TEAD1: variants seen among roughly 807,000 people sequenced by gnomAD.
The protein encoded by TEAD1 is transcriptional enhancer factor TEF-1.
A neutral mutation model predicts 54.9 loss-of-function variants in TEAD1; 9 were observed. The ratio of observed to expected loss-of-function variants is 0.16; its 90% CI spans 0.10 to 0.29. TEAD1 has a LOEUF of 0.29. Ranked by LOEUF, TEAD1 falls within the 10% of genes least tolerant of loss-of-function variation. The pLI is 1.00. For synonymous variants in TEAD1, 200 were observed against 187.8 expected (o/e 1.07, Z -0.53); for missense variants, 387 against 535.9 (o/e 0.72, Z 2.74).
chr11:12,741,814 A>G (rs1027335263), intron 2 of TEAD1, among the ~76,000 whole-genome samples: 14 of 152,208 alleles, frequency 9.2e-5, no homozygotes, highest in Non-Finnish European at 8.8e-5. Flanking sequence ...AAAGAAGCAC[A>G]AGCTTTTGCC....
intron 2 of TEAD1, among the ~76,000 whole-genome samples, chr11:12,678,615 CTTG>C (rs767242034): frequency 1.4e-4 from 21 of 152,172 alleles, no homozygotes; most frequent in Non-Finnish European, 2.5e-4. Context: ...TTATTTAGAC[CTTG>C]TTGTATTGCA....
In TEAD1 at chr11:12,751,471, TCAG is replaced by T. The variant is rs1194176268; in HGVS notation, c.-54-12707_-54-12705del. Among the ~76,000 whole-genome samples, 446 of 152,200 alleles carry T rather than the reference TCAG, an allele frequency of 2.9e-3. 3 individuals carry two copies. Among genetic ancestry groups the T allele is most frequent in the African/African-American group, 0.01 (422 of 41,528 alleles). ...CACAGAGGAGTGGGGAAAGGCCAGG[TCAG>T]GCTTCCCAGTGGAGGGGCTTGAAGT... On this transcript the variant is annotated intron_variant, in intron 2 of 12. Transcript: ENST00000527636.
At chr11:12,764,582 C>T (rs1439509289) in intron 3 of TEAD1, 148 bp downstream of exon 3, 2 of 940,438 alleles carry the variant, frequency 2.1e-6, no homozygotes, top group Non-Finnish European at 3.2e-6. Context: ...AAGGACTCAC[C>T]CTAAACTAAA....
Position 12,806,682 on chromosome 11 carries a change from C to T in TEAD1, c.202+42248C>T, listed in dbSNP as rs534340970. ...CCTTTCATACTTCAGAGCTTGAAAC[C>T]GAGTAGTTTCAACCAAGTAGTTGGG... is the stretch of plus-strand genomic sequence containing the variant. On this transcript the variant is annotated intron_variant, in intron 3 of 12. Coordinates refer to ENST00000527636, the MANE Select transcript of TEAD1 (RefSeq NM_021961.6). Among the ~76,000 whole-genome samples the T allele has an allele frequency of 2.6e-5, 4 of 152,292 alleles. No individual in the cohort carries two copies. The South Asian group carries it at 8.3e-4, about 32-fold the overall frequency.
chr11:12,907,806 A>G (rs1164443898), intron 10 of TEAD1, among the ~76,000 whole-genome samples: 1 of 152,222 alleles, frequency 6.6e-6, no homozygotes, highest in African/African-American at 2.4e-5. Context: ...TTGCTAGTAA[A>G]TGCCACATCT....
intron 10 of TEAD1, among the ~76,000 whole-genome samples, chr11:12,906,941 T>C (rs1948531793): frequency 6.6e-6 from 1 of 152,256 alleles, no homozygotes; most frequent in Non-Finnish European, 1.5e-5. Context: ...CAGGCTATTA[T>C]GAATAATGGT....
intron 2 of TEAD1, among the ~76,000 whole-genome samples, chr11:12,728,498 A>G (rs956731048): frequency 1.3e-5 from 2 of 152,314 alleles, no homozygotes; most frequent in South Asian, 4.1e-4. Context: ...GGCAGCACTG[A>G]GCAGGGGGTA....
intron 5 of TEAD1, among the ~76,000 whole-genome samples, chr11:12,868,261 C>T (rs752470831): frequency 1.8e-4 from 28 of 152,188 alleles, no homozygotes; most frequent in Non-Finnish European, 3.2e-4. Flanking sequence ...AAGCTTACTC[C>T]CTCAAATCCT....
intron 3 of TEAD1, among the ~76,000 whole-genome samples, chr11:12,788,603 A>C (rs1945731951): frequency 1.3e-5 from 2 of 152,234 alleles, no homozygotes; most frequent in African/African-American, 4.8e-5. Context: ...ACACATTCCA[A>C]ATATGAAAAT....
At chr11:12,776,772 A>ATTT (rs1032484162) in intron 3 of TEAD1, among the ~76,000 whole-genome samples, 3 of 124,224 alleles carry the variant, frequency 2.4e-5, no homozygotes, top group African/African-American at 1.6e-4. Context: ...TATTATTATT[A>ATTT]TTATTATTAT....
intron 2 of TEAD1, among the ~76,000 whole-genome samples, chr11:12,760,256 T>TATGGCAA (rs1273766149): frequency 2.0e-5 from 3 of 152,248 alleles, no homozygotes; most frequent in African/African-American, 2.4e-5. Context: ...ACTAAATCTT[T>TATGGCAA]ATGGCAACCC....
chr11:12,849,754 C>T (rs539491957), intron 3 of TEAD1, among the ~76,000 whole-genome samples: 1 of 152,300 alleles, frequency 6.6e-6, no homozygotes, highest in African/African-American at 2.4e-5. Context: ...CAGTCTGTCA[C>T]AAATTTTAAG....
At chr11:12,788,558 G>T (rs1209141328) in intron 3 of TEAD1, among the ~76,000 whole-genome samples, 2 of 152,172 alleles carry the variant, frequency 1.3e-5, no homozygotes, top group African/African-American at 4.8e-5. Context: ...CATTTGAAAA[G>T]AAGCAAAAAT....
chr11:12,718,581 G>A (rs915458826), intron 2 of TEAD1, among the ~76,000 whole-genome samples: 1 of 151,556 alleles, frequency 6.6e-6, no homozygotes, highest in African/African-American at 2.4e-5. Context: ...ATGTACCGTT[G>A]CTTTTTTTTT....
chr11:12,708,495 C>A (rs1943866916), intron 2 of TEAD1, among the ~76,000 whole-genome samples: 1 of 151,886 alleles, frequency 6.6e-6, no homozygotes, highest in African/African-American at 2.4e-5. Flanking sequence ...GGCTCGGGGG[C>A]AAATTTCATA....
chr11:12,928,658 C>T (rs1271684397), intron 11 of TEAD1, among the ~76,000 whole-genome samples: 1 of 152,138 alleles, frequency 6.6e-6, no homozygotes, highest in African/African-American at 2.4e-5. Flanking sequence ...AATAACTATT[C>T]TTTAAAGATT....
At chr11:12,773,979 T>C (rs1214862971) in intron 3 of TEAD1, among the ~76,000 whole-genome samples, 1 of 152,200 alleles carries the variant, frequency 6.6e-6, no homozygotes, top group Non-Finnish European at 1.5e-5. Flanking sequence ...TTGTCATGAT[T>C]CTGTGATTTT....
At chr11:12,819,363 T>A (rs1946482254) in intron 3 of TEAD1, among the ~76,000 whole-genome samples, 1 of 152,118 alleles carries the variant, frequency 6.6e-6, no homozygotes, top group Non-Finnish European at 1.5e-5. Context: ...TATATAAATA[T>A]TCACTTGGTA....
At chr11:12,887,813 A>G (rs1351217269) in intron 9 of TEAD1, among the ~76,000 whole-genome samples, 1 of 152,232 alleles carries the variant, frequency 6.6e-6, no homozygotes, top group African/African-American at 2.4e-5. Context: ...AAAATATAAC[A>G]TCCAGCATTA....
Sources: allele counts gnomAD v4.1 joint callset (sites outside exome capture counted in the v4.1 genomes callset), GRCh38; gene constraint gnomAD v4.1.1; transcripts MANE v1.5; gene names NCBI Gene and HGNC (gene_info 2026-07-23, HGNC 2026-07-21).